AGAP4: variants seen among roughly 807,000 people sequenced by gnomAD.
AGAP4 encodes the protein arf-GAP with GTPase, ANK repeat and PH domain-containing protein 4.
Under a neutral mutation model 60.7 loss-of-function variants are expected in AGAP4, and 13 were observed. The ratio of observed to expected loss-of-function variants is 0.21; its 90% CI spans 0.14 to 0.34. The LOEUF (loss-of-function observed/expected upper bound fraction) is 0.34, where lower values mean the gene tolerates loss of function less well. Ranked by LOEUF, AGAP4 falls within the 10% of genes least tolerant of loss-of-function variation. The pLI is 1.00. For synonymous variants in AGAP4, 70 were observed against 339.0 expected, an observed-to-expected ratio of 0.21 and a Z score of 8.72; for missense variants, 169 against 884.0, an observed-to-expected ratio of 0.19 and a Z score of 10.26.
rs1590011415 is a variant in AGAP4 at position 45,826,837 on chromosome 10, C to T, written c.1139G>A (p.Ser380Asn). The stretch of plus-strand genomic sequence containing the variant: ...CTTGGGGCTGGTGGTGCTGGAGATA[C>T]TGGGGCTGAAGCATATGGAGTCACC... ...GLGDSICFSPSISSTTSPKLN... is the reference protein window; with the variant it reads ...GLGDSICFSPNISSTTSPKLN... Residue 380 changes from serine to asparagine, a missense_variant, in exon 8 of 8, where the codon AGT (serine) becomes AAT (asparagine). Ser to Asn is a conservative substitution (Grantham distance 46). Coordinates refer to ENST00000616763, the MANE Select transcript of AGAP4 (RefSeq NM_001276343.3). 1 of 1,484,766 alleles carries T rather than the reference C, an allele frequency of 6.7e-7. No individual in the cohort carries two copies. The highest frequency in any genetic ancestry group is 1.8e-5 in the Admixed American group (1 of 56,480). 92.0% of individuals were successfully genotyped at this position (1,484,766 alleles called of 1,614,324 possible).
upstream of AGAP4, among the ~76,000 whole-genome samples, chr10:45,850,197 G>A (rs1221090263): frequency 4.7e-5 from 7 of 150,328 alleles, no homozygotes; most frequent in African/African-American, 1.7e-4. Flanking sequence ...CCAAAGTGCT[G>A]GGATTGCAGG....
chr10:45,853,713 G>T (rs1309042620), exon 1 of AGAP4: 3 of 1,287,760 alleles, frequency 2.3e-6, no homozygotes, highest in Non-Finnish European at 3.0e-6. Flanking sequence ...AGCTCCTCTT[G>T]GGCAGAGATC....
upstream of AGAP4, among the ~76,000 whole-genome samples, chr10:45,849,903 C>T (rs1336692558): frequency 6.6e-6 from 1 of 150,992 alleles, no homozygotes; most frequent in Admixed American, 6.6e-5. Context: ...CCACCGTGCC[C>T]AGCCAGATTC....
rs1183392363 is a variant in AGAP4 at position 45,844,201 on chromosome 10, G to C, written c.361+125C>G. ...GAAAGTATATCACATATTAAAATAAGACAAGGGAACATGTGAAAAGATGAA... is the reference window on the plus strand; with the variant it reads ...GAAAGTATATCACATATTAAAATAACACAAGGGAACATGTGAAAAGATGAA... On this transcript the variant is annotated intron_variant, in intron 3 of 7. Transcript: ENST00000616763. 3.9e-5 allele frequency: 32 copies of C among 823,882 alleles called. 2 individuals carry two copies. In the African/African-American group the frequency reaches 5.9e-4, roughly 15 times the overall value. 51.0% of individuals were successfully genotyped at this position (823,882 alleles called of 1,614,324 possible).
intron 3 of AGAP4, among the ~76,000 whole-genome samples, chr10:45,842,536 G>A (rs1474227330): frequency 1.5e-4 from 23 of 148,494 alleles, no homozygotes; most frequent in African/African-American, 5.9e-4. Context: ...AAGCCACAGA[G>A]CCTGGCCTAA....
exon 1 of AGAP4, chr10:45,853,656 T>C: frequency 7.8e-7 from 1 of 1,287,588 alleles, no homozygotes; most frequent in Non-Finnish European, 1.0e-6. Flanking sequence ...CCAAGGTACC[T>C]CCAGAGGAGT....
In AGAP4 at chr10:45,826,524, G is replaced by A. The variant is rs1554896289; in HGVS notation, c.1452C>T (p.Thr484=). 3 of 1,596,862 alleles carry A rather than the reference G, an allele frequency of 1.9e-6. No individual in the cohort carries two copies. Among genetic ancestry groups the A allele is most frequent in the Admixed American group, 3.4e-5 (2 of 58,802 alleles). The change falls in exon 8 of 8, where the codon ACC becomes ACT. Residue 484 remains threonine (T), a synonymous_variant. Coordinates refer to ENST00000616763, the MANE Select transcript of AGAP4 (RefSeq NM_001276343.3). ...RGNAHCVDCE[T]QNPKWASLNL... ...TCAAACTGGCCCACTTAGGATTCTGGGTCTCACAGTCCACACAGTGGGCGT... is the reference window on the plus strand; with the variant it reads ...TCAAACTGGCCCACTTAGGATTCTGAGTCTCACAGTCCACACAGTGGGCGT...
chr10:45,841,020 GA>G (rs2058907760), intron 4 of AGAP4, among the ~76,000 whole-genome samples: 1 of 123,592 alleles, frequency 8.1e-6, no homozygotes, highest in East Asian at 2.6e-4. Flanking sequence ...TGCTGTGACA[GA>G]AAGTCAATAG....
chr10:45,826,299 C>G lies in AGAP4; in HGVS notation c.1677G>C (p.Thr559=). 2 of 1,606,638 alleles carry G rather than the reference C, an allele frequency of 1.2e-6. No homozygotes were observed. Among genetic ancestry groups the G allele is most frequent in the Non-Finnish European group, 1.7e-6 (2 of 1,176,228 alleles). ...GGATCCACCGTTCCTTCTCTTCCCT[C>G]GTGGACTTTTCTGAGGGTTTTGTCT... The part of the protein sequence containing the change: ...QGQTKPSEKS[T]REEKERWIRS... Residue 559 remains threonine (T), a synonymous_variant, in exon 8 of 8, where the codon ACG becomes ACC. Transcript: ENST00000616763.
At chr10:45,842,184 C>CT (rs1431824523) in intron 3 of AGAP4, among the ~76,000 whole-genome samples, 14 of 143,280 alleles carry the variant, frequency 9.8e-5, no homozygotes, top group Non-Finnish European at 2.0e-4. Flanking sequence ...TAATATGTCA[C>CT]TAAAAACAAA....
At chr10:45,850,877 T>C (rs1409839565), upstream of AGAP4, among the ~76,000 whole-genome samples, 18 of 152,012 alleles carry the variant, frequency 1.2e-4, no homozygotes, top group Non-Finnish European at 2.6e-4. Flanking sequence ...AAAAGTTGAA[T>C]ATAAATCTCT....
At chr10:45,847,570 G>C, upstream of AGAP4, 1 of 1,437,548 alleles carries the variant, frequency 7.0e-7, no homozygotes, top group Non-Finnish European at 9.0e-7. Context: ...TGCCTCCCCT[G>C]AGTTGACTTG....
intron 4 of AGAP4, among the ~76,000 whole-genome samples, chr10:45,840,308 AGAG>A (rs1471175438): frequency 2.1e-5 from 3 of 139,702 alleles, no homozygotes; most frequent in African/African-American, 8.3e-5. Flanking sequence ...TCTCTATCAA[AGAG>A]GAGGGATTTT....
chr10:45,829,937 G>A (rs1405131564), intron 6 of AGAP4, among the ~76,000 whole-genome samples: 1 of 148,340 alleles, frequency 6.7e-6, no homozygotes, highest in African/African-American at 2.5e-5. Flanking sequence ...AGTAACTAAT[G>A]CATGATATTA....
chr10:45,854,157 T>A (rs1359056758), upstream of AGAP4: 1 of 215,076 alleles, frequency 4.6e-6, no homozygotes, highest in African/African-American at 2.3e-5. Flanking sequence ...ATTTCCTTTC[T>A]AGAACCTGTT....
chr10:45,847,520 C>G, upstream of AGAP4: 2 of 1,507,312 alleles, frequency 1.3e-6, no homozygotes, highest in Non-Finnish European at 1.8e-6. Context: ...GCCCTGGCCC[C>G]GGCCCCGGCT....
chr10:45,851,991 C>T (rs1403939932), upstream of AGAP4, among the ~76,000 whole-genome samples: 3 of 147,368 alleles, frequency 2.0e-5, no homozygotes, highest in African/African-American at 7.6e-5. Context: ...CGGCTCACTG[C>T]AACCTCTGCC....
At chr10:45,849,902 C>A (rs1407240584), upstream of AGAP4, among the ~76,000 whole-genome samples, 1 of 150,632 alleles carries the variant, frequency 6.6e-6, no homozygotes, top group African/African-American at 2.4e-5. Flanking sequence ...GCCACCGTGC[C>A]CAGCCAGATT....
At chr10:45,853,056 A>G (rs1415752243) in intron 1 of AGAP4, among the ~76,000 whole-genome samples, 4 of 152,092 alleles carry the variant, frequency 2.6e-5, no homozygotes, top group African/African-American at 9.7e-5. Flanking sequence ...AAACTTACAA[A>G]AAGTCTGTAA....
Sources: gnomAD v4.1 joint callset for allele counts (sites outside exome capture counted in the v4.1 genomes callset) on GRCh38, gnomAD v4.1.1 for gene constraint, MANE v1.5 for transcripts, NCBI Gene and HGNC (gene_info 2026-07-23, HGNC 2026-07-21) for gene names.